The following KCNB2 variants were observed in gnomAD, a reference collection of about 807,000 sequenced individuals.
The protein encoded by KCNB2 is potassium voltage-gated channel subfamily B member 2.
A neutral mutation model predicts 61.5 loss-of-function variants in KCNB2; 15 were observed. The observed-to-expected ratio is 0.24, with a 90% confidence interval of 0.16 to 0.38. The LOEUF (loss-of-function observed/expected upper bound fraction) is 0.38. Among genes scored for constraint, KCNB2 ranks in the 10% least tolerant of loss-of-function variants. The pLI is 1.00. For synonymous variants in KCNB2, 457 were observed against 446.0 expected, an observed-to-expected ratio of 1.02 and a Z score of -0.31; for missense variants, 828 against 1,125.2, an observed-to-expected ratio of 0.74 and a Z score of 3.78.
intron 1 of KCNB2, among the ~76,000 whole-genome samples, chr8:72,558,124 G>GAT (rs1490872954): frequency 6.6e-5 from 10 of 152,292 alleles, no homozygotes; most frequent in Non-Finnish European, 1.0e-4. Context: ...TGCAGATATG[G>GAT]ATACAGAGAT....
At chr8:72,900,631 A>T (rs144615089) in intron 2 of KCNB2, among the ~76,000 whole-genome samples, 174 of 152,304 alleles carry the variant, frequency 1.1e-3, no homozygotes, top group African/African-American at 3.6e-3. Flanking sequence ...ATCTATGAGG[A>T]TCTTAAACAA....
At chr8:72,718,006 T>C (rs62518132) in intron 2 of KCNB2, among the ~76,000 whole-genome samples, 3 of 151,740 alleles carry the variant, frequency 2.0e-5, no homozygotes, top group Non-Finnish European at 1.5e-5. Context: ...GGGCAAAGGA[T>C]ATGAACAGAC....
intron 2 of KCNB2, among the ~76,000 whole-genome samples, chr8:72,643,952 G>A (rs1252205184): frequency 6.6e-6 from 1 of 152,128 alleles, no homozygotes; most frequent in African/African-American, 2.4e-5. Context: ...GTTTAAATGA[G>A]GCAAATCAAA....
intron 1 of KCNB2, among the ~76,000 whole-genome samples, chr8:72,558,202 A>T (rs913092600): frequency 6.6e-6 from 1 of 152,194 alleles, no homozygotes; most frequent in Non-Finnish European, 1.5e-5. Flanking sequence ...GGCAACTTGT[A>T]CTTTGCTGTT....
chr8:72,777,347 T>C (rs1233211893), intron 2 of KCNB2, among the ~76,000 whole-genome samples: 2 of 152,166 alleles, frequency 1.3e-5, no homozygotes, highest in African/African-American at 2.4e-5. Context: ...CTTAGGTTTG[T>C]TAGGTATGGG....
intron 2 of KCNB2, among the ~76,000 whole-genome samples, chr8:72,806,355 G>GAAAAAAAAAA (rs113106261): frequency 1.0e-5 from 1 of 97,412 alleles, no homozygotes. Flanking sequence ...GAGACTCTAA[G>GAAAAAAAAAA]AAAAAAAAAA....
chr8:72,868,622 C>A (rs566031506), intron 2 of KCNB2, among the ~76,000 whole-genome samples: 8 of 151,678 alleles, frequency 5.3e-5, no homozygotes, highest in East Asian at 1.9e-4. Flanking sequence ...CCAAAAAAAA[C>A]CCAAAAAAGG....
intron 1 of KCNB2, among the ~76,000 whole-genome samples, chr8:72,554,922 T>C (rs1367409537): frequency 2.0e-5 from 3 of 152,014 alleles, no homozygotes; most frequent in Non-Finnish European, 4.4e-5. Context: ...GTAGACAAAA[T>C]ATTACAGGAA....
intron 2 of KCNB2, among the ~76,000 whole-genome samples, chr8:72,913,785 C>G (rs957484030): frequency 6.6e-6 from 1 of 152,224 alleles, no homozygotes; most frequent in African/African-American, 2.4e-5. Flanking sequence ...CTGCAGTACT[C>G]AGATGTTACT....
chr8:72,824,212 C>T (rs1008998201), intron 2 of KCNB2, among the ~76,000 whole-genome samples: 1 of 152,060 alleles, frequency 6.6e-6, no homozygotes, highest in Non-Finnish European at 1.5e-5. Flanking sequence ...AGGCCACCTT[C>T]ATGCCACCCC....
chr8:72,580,653 C>T lies in KCNB2; in HGVS notation c.579+12340C>T, dbSNP rs531758509. 2.0e-5 allele frequency among the ~76,000 whole-genome samples: 3 copies of T among 152,268 alleles called. No individual in the cohort carries two copies. The South Asian group carries it at 6.2e-4, about 32-fold the overall frequency. ...TTGAATCCTATTTACAACCATGGAG[C>T]CCCCTTCCATTTCCCACTAAATCTA... On this transcript the variant is annotated intron_variant, in intron 2 of 2. Transcript: ENST00000523207.
chr8:72,617,203 G>A (rs772941771), intron 2 of KCNB2, among the ~76,000 whole-genome samples: 3 of 152,128 alleles, frequency 2.0e-5, no homozygotes, highest in Non-Finnish European at 2.9e-5. Context: ...CCTTCTGCCT[G>A]AAACCTGTAT....
intron 2 of KCNB2, among the ~76,000 whole-genome samples, chr8:72,867,340 G>A (rs1289402587): frequency 6.6e-6 from 1 of 152,158 alleles, no homozygotes; most frequent in Non-Finnish European, 1.5e-5. Flanking sequence ...GTACCGTGTT[G>A]AGCATGTCTT....
intron 2 of KCNB2, among the ~76,000 whole-genome samples, chr8:72,805,733 G>A (rs1027277734): frequency 3.3e-5 from 5 of 152,014 alleles, no homozygotes; most frequent in Non-Finnish European, 5.9e-5. Flanking sequence ...AATTGTTCTC[G>A]AGGTATGTGA....
chr8:72,555,418 T>C (rs1806408283), intron 1 of KCNB2, among the ~76,000 whole-genome samples: 2 of 151,860 alleles, frequency 1.3e-5, no homozygotes. Context: ...ATTTTACTTA[T>C]GGGCATTTTG....
intron 2 of KCNB2, among the ~76,000 whole-genome samples, chr8:72,856,369 G>C (rs1810207575): frequency 6.6e-6 from 1 of 152,120 alleles, no homozygotes; most frequent in Non-Finnish European, 1.5e-5. Context: ...AGAGTCACAT[G>C]TTGCTAGTGG....
chr8:72,938,157 G>A lies in KCNB2; in HGVS notation c.*66G>A, dbSNP rs1806971703. The stretch of plus-strand genomic sequence containing the variant: ...ACAAAACTTGTTTCTTAAAAATGCG[G>A]TTAATAATGCCTGTGAACTAAAAAA... On this transcript the variant is annotated 3_prime_UTR_variant, in exon 3 of 3. Coordinates refer to ENST00000523207, the MANE Select transcript of KCNB2 (RefSeq NM_004770.3). 2 of 1,321,984 alleles carry A rather than the reference G, an allele frequency of 1.5e-6. No individual in the cohort carries two copies. Among genetic ancestry groups the A allele is most frequent in the Admixed American group, 2.2e-5 (1 of 45,140 alleles). The allele number at this position is 1,321,984 out of a possible 1,614,324, so 81.9% of individuals were successfully genotyped here.
chr8:72,687,052 GCTA>G (rs1367822175), intron 2 of KCNB2, among the ~76,000 whole-genome samples: 1 of 152,130 alleles, frequency 6.6e-6, no homozygotes, highest in African/African-American at 2.4e-5. Flanking sequence ...ACTTGAGAAT[GCTA>G]CTGAGAATAA....
Position 72,664,200 on chromosome 8 carries a change from C to T in KCNB2, c.579+95887C>T, listed in dbSNP as rs576212609. Reference sequence around the variant, plus strand: ...CAGCGGATACCCTGTGTCAGCTCAGCTCCTGGCTCTTTTACTCTGCAGCGC... The same window carrying T: ...CAGCGGATACCCTGTGTCAGCTCAGTTCCTGGCTCTTTTACTCTGCAGCGC... On this transcript the variant is annotated intron_variant, in intron 2 of 2. Coordinates refer to ENST00000523207, the MANE Select transcript of KCNB2 (RefSeq NM_004770.3). 3.5e-4 allele frequency among the ~76,000 whole-genome samples: 53 copies of T among 152,326 alleles called. No individual in the cohort carries two copies. In the Middle Eastern group the frequency reaches 0.01, roughly 29 times the overall value.
Sources: gnomAD v4.1 joint callset for allele counts (sites outside exome capture counted in the v4.1 genomes callset) on GRCh38, gnomAD v4.1.1 for gene constraint, MANE v1.5 for transcripts, NCBI Gene and HGNC (gene_info 2026-07-23, HGNC 2026-07-21) for gene names.